The following SUPT3H variants were observed in gnomAD, a reference collection of about 807,000 sequenced individuals.
SUPT3H encodes the protein SPT3 homolog, SAGA and STAGA complex component.
A neutral mutation model predicts 44.3 loss-of-function variants in SUPT3H; 44 were observed. The ratio of observed to expected loss-of-function variants is 0.99; its 90% CI spans 0.78 to 1.28. SUPT3H has a LOEUF of 1.28. SUPT3H is among the 50% of genes most tolerant of loss of function. SUPT3H has a pLI of 0.00. For synonymous variants in SUPT3H, 124 were observed against 125.6 expected, an observed-to-expected ratio of 0.99 and a Z score of 0.09; for missense variants, 380 against 387.1, an observed-to-expected ratio of 0.98 and a Z score of 0.15.
At chr6:45,307,097 G>C (rs1425568818) in intron 2 of SUPT3H, among the ~76,000 whole-genome samples, 1 of 152,228 alleles carries the variant, frequency 6.6e-6, no homozygotes, top group Non-Finnish European at 1.5e-5. Flanking sequence ...GCTGAGGCTT[G>C]AGTAGGTAAA....
intron 6 of SUPT3H, among the ~76,000 whole-genome samples, chr6:44,974,570 C>A (rs1033836682): frequency 2.6e-5 from 4 of 152,106 alleles, no homozygotes; most frequent in Non-Finnish European, 5.9e-5. Flanking sequence ...AAACAGAGGC[C>A]ATTTCACAGG....
intron 9 of SUPT3H, among the ~76,000 whole-genome samples, chr6:44,949,443 G>GA (rs929186870): frequency 2.0e-5 from 3 of 150,412 alleles, no homozygotes; most frequent in South Asian, 2.1e-4. Context: ...TCAAAAAAAA[G>GA]AAAAAAAAGA....
intron 2 of SUPT3H, among the ~76,000 whole-genome samples, chr6:45,314,620 C>T (rs1784434202): frequency 6.6e-6 from 1 of 152,112 alleles, no homozygotes; most frequent in Non-Finnish European, 1.5e-5. Flanking sequence ...CTACAAAATA[C>T]TGCTAAAAGA....
chr6:45,348,337 C>T (rs1791306959), intron 2 of SUPT3H, among the ~76,000 whole-genome samples: 1 of 151,684 alleles, frequency 6.6e-6, no homozygotes, highest in African/African-American at 2.4e-5. Flanking sequence ...AAATTCTCTA[C>T]CATTAGTTTT....
intron 2 of SUPT3H, among the ~76,000 whole-genome samples, chr6:45,207,643 A>G (rs1763402631): frequency 6.6e-6 from 1 of 152,182 alleles, no homozygotes; most frequent in Non-Finnish European, 1.5e-5. Flanking sequence ...GATAATTCTC[A>G]CAACATTTTA....
chr6:45,232,273 G>A lies in SUPT3H; in HGVS notation c.102-126267C>T, dbSNP rs187263401. Among the ~76,000 whole-genome samples, 340 of 152,264 alleles carry A rather than the reference G, an allele frequency of 2.2e-3. 2 individuals are homozygous for A. Among genetic ancestry groups the A allele is most frequent in the Admixed American group, 7.8e-3 (119 of 15,300 alleles). ...GTAGGCCCCTTTGGCTTTGATTATC[G>A]GTGTGTGCAGTAGTGTCATCACTAT... is the stretch of plus-strand genomic sequence containing the variant. On this transcript the variant is annotated intron_variant, in intron 2 of 10. Coordinates refer to ENST00000371459, the MANE Select transcript of SUPT3H (RefSeq NM_003599.4).
chr6:44,908,254 T>A (rs533048088), intron 10 of SUPT3H, among the ~76,000 whole-genome samples: 3 of 150,936 alleles, frequency 2.0e-5, no homozygotes, highest in Non-Finnish European at 4.4e-5. Flanking sequence ...TGGGTTCACA[T>A]CATTCTCCTG....
intron 3 of SUPT3H, among the ~76,000 whole-genome samples, chr6:45,092,750 CAAAAAA>C (rs71674371): frequency 7.0e-5 from 9 of 127,848 alleles, no homozygotes; most frequent in Admixed American, 4.7e-4. Context: ...GACTTCGTCT[CAAAAAA>C]AAAAAAAAAA....
chr6:45,147,401 C>A (rs1048225739), intron 2 of SUPT3H, among the ~76,000 whole-genome samples: 5 of 152,040 alleles, frequency 3.3e-5, no homozygotes, highest in African/African-American at 1.2e-4. Context: ...TTCCTTCATT[C>A]ATTTCCCTAA....
At chr6:45,113,912 T>A (rs1170139720) in intron 2 of SUPT3H, among the ~76,000 whole-genome samples, 1 of 152,034 alleles carries the variant, frequency 6.6e-6, no homozygotes, top group Non-Finnish European at 1.5e-5. Context: ...CTTGCTTGAT[T>A]TCTCAACAAC....
chr6:45,020,472 G>C lies in SUPT3H; in HGVS notation c.273+74C>G, dbSNP rs910857563. 2.0e-5 allele frequency: 22 copies of C among 1,108,652 alleles called. No individual in the cohort carries two copies. In the Admixed American group the frequency reaches 4.1e-4, roughly 21 times the overall value. 68.7% of individuals were successfully genotyped at this position (1,108,652 alleles called of 1,614,324 possible). On this transcript the variant is annotated intron_variant, in intron 4 of 10. Coordinates refer to ENST00000371459, the MANE Select transcript of SUPT3H (RefSeq NM_003599.4). ...TTTAATTTGAAAGGTACATAACAAGGATATATAGTTTCCACATGCAAGTTC... is the reference window on the plus strand; with the variant it reads ...TTTAATTTGAAAGGTACATAACAAGCATATATAGTTTCCACATGCAAGTTC...
intron 2 of SUPT3H, among the ~76,000 whole-genome samples, chr6:45,278,830 T>C (rs1777459526): frequency 6.6e-6 from 1 of 152,126 alleles, no homozygotes; most frequent in African/African-American, 2.4e-5. Context: ...CAAGCAGACA[T>C]ATTTAGGAGC....
chr6:45,234,404 G>A lies in SUPT3H; in HGVS notation c.102-128398C>T, dbSNP rs575256206. 1.2e-4 allele frequency among the ~76,000 whole-genome samples: 18 copies of A among 151,726 alleles called. No individual in the cohort carries two copies. The South Asian group carries it at 1.2e-3, about 11-fold the overall frequency. The stretch of plus-strand genomic sequence containing the variant: ...AAATCAGCTGGGCATGGTGGTGGGC[G>A]CCTGCAATCCCAGCTACTCAGGAGG... On this transcript the variant is annotated intron_variant, in intron 2 of 10. Transcript: ENST00000371459.
Position 44,850,743 on chromosome 6 carries a change from T to C in SUPT3H, c.913-20886A>G, listed in dbSNP as rs1323946053. Among the ~76,000 whole-genome samples, 180 of 143,874 alleles carry C rather than the reference T, an allele frequency of 1.3e-3. 1 individual carries two copies. Among genetic ancestry groups the C allele is most frequent in the African/African-American group, 4.6e-3 (177 of 38,396 alleles). 94.4% of individuals were successfully genotyped at this position (143,874 alleles called of 152,430 possible). The stretch of plus-strand genomic sequence containing the variant: ...GGCTTATTTTGCTTTTGGTTTTATA[T>C]ACATCTATCTATCTATCTATCTATC... On this transcript the variant is annotated intron_variant, in intron 10 of 10. Coordinates refer to ENST00000371459, the MANE Select transcript of SUPT3H (RefSeq NM_003599.4).
At chr6:44,982,908 A>T (rs960995997) in intron 6 of SUPT3H, among the ~76,000 whole-genome samples, 1 of 152,224 alleles carries the variant, frequency 6.6e-6, no homozygotes, top group Non-Finnish European at 1.5e-5. Flanking sequence ...ATAGTGAATT[A>T]GGTCCAACAC....
intron 3 of SUPT3H, among the ~76,000 whole-genome samples, chr6:45,070,081 G>A (rs1465439117): frequency 6.6e-6 from 1 of 152,144 alleles, no homozygotes; most frequent in Admixed American, 6.5e-5. Context: ...ACTTCTATCA[G>A]AGTCTGCTTT....
chr6:44,857,132 A>C (rs766216087), intron 10 of SUPT3H, among the ~76,000 whole-genome samples: 18 of 151,944 alleles, frequency 1.2e-4, no homozygotes, highest in Admixed American at 8.5e-4. Flanking sequence ...TAATTGGTAA[A>C]TTTTCTTTTT....
chr6:45,158,298 A>ATATATATATTTTTTTTTTTT, intron 2 of SUPT3H, among the ~76,000 whole-genome samples: 3 of 99,686 alleles, frequency 3.0e-5, no homozygotes, highest in African/African-American at 1.5e-4. Flanking sequence ...ATATATATAT[A>ATATATATATTTTTTTTTTTT]TTTTTTTTTT....
At chr6:45,176,855 C>G (rs148183869) in intron 2 of SUPT3H, among the ~76,000 whole-genome samples, 8,767 of 152,132 alleles carry the variant, frequency 0.058, 842 homozygotes, top group African/African-American at 0.2. Context: ...TGCAGCTGAG[C>G]GTCCTGTCTG....
Sources: gnomAD v4.1 joint callset for allele counts (sites outside exome capture counted in the v4.1 genomes callset) on GRCh38, gnomAD v4.1.1 for gene constraint, MANE v1.5 for transcripts, NCBI Gene and HGNC (gene_info 2026-07-23, HGNC 2026-07-21) for gene names.